SRPRB: variants seen among roughly 807,000 people sequenced by gnomAD.
SRPRB encodes the protein SRP receptor subunit beta, also known as signal recognition particle receptor subunit beta.
A neutral mutation model predicts 31.9 loss-of-function variants in SRPRB; 20 were observed. The observed-to-expected ratio is 0.63, with a 90% CI of 0.44 to 0.91. The LOEUF is 0.91. SRPRB is among the 40% of genes least tolerant of loss of function. The pLI, the probability that SRPRB is intolerant of heterozygous loss-of-function variation, is 0.00. For synonymous variants in SRPRB, 146 were observed against 132.8 expected (o/e 1.10, Z -0.68); for missense variants, 321 against 324.9 (o/e 0.99, Z 0.09).
At chr3:133,809,195 G>A (rs577952489) in intron 3 of SRPRB, among the ~76,000 whole-genome samples, 7 of 152,094 alleles carry the variant, frequency 4.6e-5, no homozygotes, top group African/African-American at 1.7e-4. Context: ...GTTTCACCAT[G>A]TTGGCCAGGC....
Position 133,819,843 on chromosome 3 carries a change from T to C in SRPRB, c.*77T>C, listed in dbSNP as rs1398643233. The C allele has an allele frequency of 5.4e-6, 7 of 1,299,758 alleles. No individual in the cohort carries two copies. The highest frequency in any genetic ancestry group is 7.6e-6 in the Non-Finnish European group (7 of 918,184). The allele number at this position is 1,299,758 out of a possible 1,614,324, so 80.5% of individuals were successfully genotyped here. A position where few individuals can be genotyped will look rare whatever the true frequency, so the allele number is the denominator to read the frequency against. ...AAGGTCTGTGGTAGTCTGGAGTTGA[T>C]GAGGAAGGGGTACAAGATGTGGTTA... On this transcript the variant is annotated 3_prime_UTR_variant, in exon 7 of 7. Coordinates refer to ENST00000678299, the MANE Select transcript of SRPRB (RefSeq NM_001379313.1).
At chr3:133,816,699 A>G (rs1356531398) in intron 5 of SRPRB, among the ~76,000 whole-genome samples, 179 bp from the exon 6 acceptor site, 1 of 152,232 alleles carries the variant, frequency 6.6e-6, no homozygotes, top group East Asian at 1.9e-4. Flanking sequence ...ATCTTGGGAA[A>G]GCCCCTAGTG....
chr3:133,815,709 T>C lies in SRPRB; in HGVS notation c.530T>C (p.Ile177Thr), dbSNP rs1396598470. The C allele has an allele frequency of 4.3e-6, 7 of 1,613,690 alleles. No individual in the cohort carries two copies. Among genetic ancestry groups the C allele is most frequent in the South Asian group, 1.1e-5 (1 of 91,004 alleles). Residue 177 changes from isoleucine (I) to threonine (T), a missense_variant, in exon 5 of 7, where the codon ATA (isoleucine) becomes ACA (threonine). Ile to Thr is a moderately conservative substitution (Grantham distance 89, BLOSUM62 -1). Transcript: ENST00000678299. ...MGLKNTPSFL[I>T]ACNKQDIAMA... ...CTGAAGAATACACCATCATTCTTAA[T>C]AGCCTGCAATAAGCAAGGTGCCATC...
chr3:133,815,466 T>G, intron 4 of SRPRB, 124 bp from the exon 5 acceptor site: 3 of 1,118,944 alleles, frequency 2.7e-6, no homozygotes, highest in Non-Finnish European at 4.0e-6. Flanking sequence ...TGCACAGACC[T>G]GCATGTGTGT....
At chr3:133,813,778 T>C (rs1576383957) in intron 4 of SRPRB, among the ~76,000 whole-genome samples, 1 of 152,366 alleles carries the variant, frequency 6.6e-6, no homozygotes, top group South Asian at 2.1e-4. Context: ...ATCATTGATA[T>C]TGTGGTGGTT....
At chr3:133,817,114 CT>C in intron 6 of SRPRB, among the ~76,000 whole-genome samples, 182 bp downstream of exon 6, 1 of 152,166 alleles carries the variant, frequency 6.6e-6, no homozygotes. Flanking sequence ...TACTAGGGTG[CT>C]TATAGATATT....
upstream of SRPRB, chr3:133,805,656 C>G (rs1935137139): frequency 1.8e-6 from 1 of 558,884 alleles, no homozygotes; most frequent in African/African-American, 2.0e-5. Flanking sequence ...AATAACCTGT[C>G]TGCCCCTATC....
intron 6 of SRPRB, among the ~76,000 whole-genome samples, chr3:133,817,705 A>G (rs1391978980): frequency 6.6e-6 from 1 of 152,344 alleles, no homozygotes; most frequent in East Asian, 1.9e-4. Context: ...GAAAAACTGT[A>G]TAAATTCAAC....
chr3:133,805,001 A>G (rs2107966697), upstream of SRPRB, among the ~76,000 whole-genome samples: 1 of 152,352 alleles, frequency 6.6e-6, no homozygotes, highest in South Asian at 2.1e-4. Context: ...GAAAATTTCA[A>G]AAGTGGAAAA....
At position 133,819,664 on chromosome 3, in the gene SRPRB, C is replaced by T; in HGVS notation, c.714C>T (p.Pro238=). ...KGKEFEFSQL[P]LKVEFLECSA... Reference sequence around the variant, plus strand: ...AAGAGTTTGAATTCTCACAGTTGCCCCTCAAAGTGGAGTTCCTGGAGTGCA... The same window carrying T: ...AAGAGTTTGAATTCTCACAGTTGCCTCTCAAAGTGGAGTTCCTGGAGTGCA... Residue 238 remains proline (P), a synonymous_variant, in exon 7 of 7, where the codon CCC becomes CCT. Transcript: ENST00000678299. 1 of 1,614,128 alleles carries T rather than the reference C, an allele frequency of 6.2e-7. No homozygotes were observed. Among genetic ancestry groups the T allele is most frequent in the Non-Finnish European group, 8.5e-7 (1 of 1,180,042 alleles).
Position 133,820,638 on chromosome 3 carries a change from C to T in SRPRB, c.*872C>T, listed in dbSNP as rs775188581. 6.6e-6 allele frequency: 1 copy of T among 151,180 alleles called. No individual in the cohort carries two copies. Among genetic ancestry groups the T allele is most frequent in the Non-Finnish European group, 1.5e-5 (1 of 67,876 alleles). 9.4% of individuals were successfully genotyped at this position (151,180 alleles called of 1,614,324 possible). On this transcript the variant is annotated 3_prime_UTR_variant, in exon 7 of 7. Coordinates refer to ENST00000678299, the MANE Select transcript of SRPRB (RefSeq NM_001379313.1). ...AAGTTCTCTGTAGATTTCTGAAGTGCATATTCATTGATGCCAAGAAAAAAA... is the reference window on the plus strand; with the variant it reads ...AAGTTCTCTGTAGATTTCTGAAGTGTATATTCATTGATGCCAAGAAAAAAA...
chr3:133,797,847 C>A (rs867845738), intron 1 of SRPRB, among the ~76,000 whole-genome samples: 1 of 152,076 alleles, frequency 6.6e-6, no homozygotes, highest in African/African-American at 2.4e-5. Context: ...TTTAGGAAGA[C>A]CTGCCTTCTG....
intron 4 of SRPRB, among the ~76,000 whole-genome samples, chr3:133,811,914 T>G (rs2107971695): frequency 6.6e-6 from 1 of 152,312 alleles, no homozygotes; most frequent in Middle Eastern, 3.4e-3. Flanking sequence ...AAAATTGATG[T>G]TTCAAGAAGT....
Position 133,814,834 on chromosome 3 carries a change from C to T in SRPRB, c.411-756C>T, listed in dbSNP as rs78989487. Among the ~76,000 whole-genome samples the T allele has an allele frequency of 3.6e-3, 554 of 152,336 alleles. 3 individuals are homozygous for T. The highest frequency in any genetic ancestry group is 0.013 in the African/African-American group (525 of 41,570). On this transcript the variant is annotated intron_variant, in intron 4 of 6. Coordinates refer to ENST00000678299, the MANE Select transcript of SRPRB (RefSeq NM_001379313.1). ...ACATGAGGAGTCCCACTATGGCTGC[C>T]TTAGTTCAGGCCCTACCTGGTCACT...
At chr3:133,814,373 C>T (rs1223080098) in intron 4 of SRPRB, among the ~76,000 whole-genome samples, 6 of 152,058 alleles carry the variant, frequency 3.9e-5, no homozygotes, top group African/African-American at 9.6e-5. Flanking sequence ...CCTCGTGATC[C>T]GCCCGCCTCG....
chr3:133,807,843 T>G lies in SRPRB; in HGVS notation c.327+20T>G, dbSNP rs1162618491. 1.3e-6 allele frequency: 2 copies of G among 1,590,128 alleles called. No homozygotes were observed. The highest frequency in any genetic ancestry group is 1.8e-5 in the Admixed American group (1 of 55,948). On this transcript the variant is annotated intron_variant, in intron 3 of 6. Coordinates refer to ENST00000678299, the MANE Select transcript of SRPRB (RefSeq NM_001379313.1). ...AACAGGGTAAGATGTTTGTGGAGTT[T>G]TGGAGTCTGACAGTCTTACTTTACT... is the stretch of plus-strand genomic sequence containing the variant.
upstream of SRPRB, among the ~76,000 whole-genome samples, chr3:133,805,363 C>A (rs1274016867): frequency 1.3e-5 from 2 of 152,204 alleles, no homozygotes; most frequent in Non-Finnish European, 2.9e-5. Context: ...TGTCCAGAAG[C>A]TTTTCTCTGA....
At chr3:133,814,714 C>T (rs952997011) in intron 4 of SRPRB, among the ~76,000 whole-genome samples, 4 of 152,208 alleles carry the variant, frequency 2.6e-5, no homozygotes, top group African/African-American at 9.7e-5. Flanking sequence ...GCTGGGATTA[C>T]AGGCGTGAGC....
chr3:133,811,285 G>A, intron 4 of SRPRB, 86 bp downstream of exon 4: 4 of 1,419,120 alleles, frequency 2.8e-6, no homozygotes, highest in Non-Finnish European at 3.9e-6. Context: ...GGTGGTGTTT[G>A]GGAGGCAGCA....
Sources: gnomAD v4.1 joint callset for allele counts (sites outside exome capture counted in the v4.1 genomes callset) on GRCh38, gnomAD v4.1.1 for gene constraint, MANE v1.5 for transcripts, NCBI Gene and HGNC (gene_info 2026-07-23, HGNC 2026-07-21) for gene names.